ATOSA: variants seen among roughly 807,000 people sequenced by gnomAD.
ATOSA encodes atos homolog protein A.
chr15:52,709,778 A>T, the ATOSA span: 1 of 152,308 alleles, frequency 6.6e-6, no homozygotes, highest in Non-Finnish European at 1.5e-5. Flanking sequence ...CAGAAGAGGG[A>T]GATGATCTGA....
At chr15:52,582,007 C>T in the ATOSA span, 1 of 616,164 alleles carries the variant, frequency 1.6e-6, no homozygotes. Flanking sequence ...ATATGGATTT[C>T]ATTTCAGGAA....
chr15:52,585,982 C>A, the ATOSA span: 1 of 152,176 alleles, frequency 6.6e-6, no homozygotes, highest in Non-Finnish European at 1.5e-5. Flanking sequence ...CATGTTTATA[C>A]ACAGTTAAAC....
chr15:52,612,409 T>G, the ATOSA span, among the ~76,000 whole-genome samples: 1 of 152,192 alleles, frequency 6.6e-6, no homozygotes, highest in Non-Finnish European at 1.5e-5. Context: ...CCTACTTTAT[T>G]AATTTCATCA....
At chr15:52,693,028 T>C in the ATOSA span, among the ~76,000 whole-genome samples, 1 of 152,186 alleles carries the variant, frequency 6.6e-6, no homozygotes, top group South Asian at 2.1e-4. Context: ...AAAGCAAGCA[T>C]TCCTTGAAAG....
At chr15:52,705,344 G>A in the ATOSA span, among the ~76,000 whole-genome samples, 1 of 151,950 alleles carries the variant, frequency 6.6e-6, no homozygotes, top group East Asian at 1.9e-4. Context: ...ATCACACACT[G>A]GGGCCTGTTG....
chr15:52,591,942 T>G, the ATOSA span, among the ~76,000 whole-genome samples: 1 of 152,190 alleles, frequency 6.6e-6, no homozygotes, highest in African/African-American at 2.4e-5. Flanking sequence ...AAGAAAACTT[T>G]GAATAAATAA....
the ATOSA span, chr15:52,605,301 C>T: frequency 1.5e-6 from 2 of 1,290,766 alleles, no homozygotes; most frequent in Non-Finnish European, 2.2e-6. Flanking sequence ...ATTTAAAGAA[C>T]TTGGACAGTG....
chr15:52,608,515 T>C, the ATOSA span: 6 of 1,509,384 alleles, frequency 4.0e-6, no homozygotes, highest in Non-Finnish European at 5.3e-6. Flanking sequence ...GAACAAAATT[T>C]AAACCATAAC....
chr15:52,598,870 C>A, the ATOSA span, among the ~76,000 whole-genome samples: 3 of 152,146 alleles, frequency 2.0e-5, no homozygotes, highest in Non-Finnish European at 4.4e-5. Context: ...TCTGTCCTTG[C>A]AACAGTAGGT....
the ATOSA span, chr15:52,585,290 C>A: frequency 6.0e-6 from 1 of 165,736 alleles, no homozygotes; most frequent in Non-Finnish European, 1.3e-5. Flanking sequence ...TTAAAATATT[C>A]CAGTTCAATT....
chr15:52,693,107 C>G, the ATOSA span, among the ~76,000 whole-genome samples: 1 of 152,070 alleles, frequency 6.6e-6, no homozygotes, highest in Non-Finnish European at 1.5e-5. Context: ...AAGAGACATA[C>G]AAACGGAAAG....
At chr15:52,586,155 G>T in the ATOSA span, 1 of 152,186 alleles carries the variant, frequency 6.6e-6, no homozygotes, top group African/African-American at 2.4e-5. Context: ...GAAGGCAAGA[G>T]AACACTGTCA....
At chr15:52,583,634 C>T in the ATOSA span, among the ~76,000 whole-genome samples, 3 of 152,174 alleles carry the variant, frequency 2.0e-5, no homozygotes, top group Non-Finnish European at 4.4e-5. Context: ...GATCCACCCA[C>T]CTCGGCCTCC....
the ATOSA span, among the ~76,000 whole-genome samples, chr15:52,646,168 A>G: frequency 6.6e-6 from 1 of 152,130 alleles, no homozygotes; most frequent in Non-Finnish European, 1.5e-5. Flanking sequence ...TCAACATCCT[A>G]TTTCCCACTG....
chr15:52,645,443 CAAAT>C, the ATOSA span, among the ~76,000 whole-genome samples: 7 of 149,922 alleles, frequency 4.7e-5, no homozygotes, highest in African/African-American at 9.8e-5. Flanking sequence ...GACTCCATCT[CAAAT>C]AAATAAATAA....
chr15:52,679,785 CCT>C, the ATOSA span, among the ~76,000 whole-genome samples: 1 of 101,838 alleles, frequency 9.8e-6, no homozygotes, highest in Non-Finnish European at 2.1e-5. Flanking sequence ...TCCTCCTCCT[CCT>C]CCTCCTCCCC....
the ATOSA span, chr15:52,656,674 G>C: frequency 5.3e-5 from 8 of 152,064 alleles, no homozygotes; most frequent in Admixed American, 3.3e-4. Flanking sequence ...AAATGAGCTA[G>C]AATGGGGGTT....
the ATOSA span, among the ~76,000 whole-genome samples, chr15:52,595,341 G>C: frequency 1.3e-5 from 2 of 152,132 alleles, no homozygotes; most frequent in Non-Finnish European, 2.9e-5. Flanking sequence ...CTAGCACATA[G>C]TAAGTACTCA....
At chr15:52,632,310 C>T in the ATOSA span, among the ~76,000 whole-genome samples, 1 of 152,048 alleles carries the variant, frequency 6.6e-6, no homozygotes, top group Non-Finnish European at 1.5e-5. Context: ...ATAATAATTT[C>T]TTCTGTTGGT....
Sources: allele counts gnomAD v4.1 joint callset (sites outside exome capture counted in the v4.1 genomes callset), GRCh38; gene constraint gnomAD v4.1.1; transcripts MANE v1.5; gene names NCBI Gene and HGNC (gene_info 2026-07-23, HGNC 2026-07-21).